Variants in DLGAP4 observed in about 807,000 individuals in gnomAD.
DLGAP4 encodes the protein disks large-associated protein 4.
Under a neutral mutation model 86.9 loss-of-function variants are expected in DLGAP4, and 18 were observed. The observed-to-expected ratio is 0.21, with a 90% CI of 0.14 to 0.31. The LOEUF (loss-of-function observed/expected upper bound fraction) is 0.31, where lower values mean the gene tolerates loss of function less well. DLGAP4 is among the 10% of genes least tolerant of loss of function. The pLI is 1.00. For missense variants in DLGAP4, 1,085 were observed against 1,362.6 expected, an observed-to-expected ratio of 0.80 and a Z score of 3.21; for synonymous variants, 548 against 574.3, an observed-to-expected ratio of 0.95 and a Z score of 0.65.
At chr20:36,428,570 C>T (rs867980152) in intron 2 of DLGAP4, among the ~76,000 whole-genome samples, 20 of 152,210 alleles carry the variant, frequency 1.3e-4, no homozygotes, top group African/African-American at 3.6e-4. Context: ...TCCCATCCTC[C>T]CCACCCTCTG....
intron 7 of DLGAP4, among the ~76,000 whole-genome samples, chr20:36,481,225 G>C (rs1282568702): frequency 6.6e-6 from 1 of 152,144 alleles, no homozygotes; most frequent in Admixed American, 6.5e-5. Context: ...GGCCAGCTCT[G>C]CTTCTTAGAA....
chr20:36,375,846 G>A (rs1397683559), intron 2 of DLGAP4, among the ~76,000 whole-genome samples: 1 of 152,112 alleles, frequency 6.6e-6, no homozygotes, highest in Non-Finnish European at 1.5e-5. Context: ...TGTTGGGCTG[G>A]GGAGTTTGAA....
intron 1 of DLGAP4, among the ~76,000 whole-genome samples, chr20:36,335,113 G>A (rs1362600012): frequency 3.3e-5 from 5 of 152,150 alleles, no homozygotes; most frequent in African/African-American, 9.7e-5. Flanking sequence ...CTTGCCAAGC[G>A]TTCACCCCAC....
chr20:36,385,485 A>C (rs2031563423), intron 2 of DLGAP4, among the ~76,000 whole-genome samples: 1 of 152,192 alleles, frequency 6.6e-6, no homozygotes, highest in Non-Finnish European at 1.5e-5. Context: ...AAGAAGCAAA[A>C]GTGCAAAAGG....
chr20:36,365,344 C>T (rs146761662), intron 1 of DLGAP4, among the ~76,000 whole-genome samples: 289 of 152,374 alleles, frequency 1.9e-3, no homozygotes, highest in Non-Finnish European at 3.1e-3. Context: ...CGGTCTTTCC[C>T]GCCCTGGCAA....
chr20:36,425,388 CA>C (rs1304853885), intron 2 of DLGAP4, among the ~76,000 whole-genome samples: 1 of 152,262 alleles, frequency 6.6e-6, no homozygotes, highest in East Asian at 1.9e-4. Context: ...GATACCAGTT[CA>C]CACCTACTAG....
chr20:36,484,075 A>G (rs1289961949), intron 7 of DLGAP4, among the ~76,000 whole-genome samples: 1 of 152,190 alleles, frequency 6.6e-6, no homozygotes, highest in African/African-American at 2.4e-5. Context: ...CCTGGGCTCA[A>G]ATTCTGGCTT....
At chr20:36,496,480 C>G (rs559562265) in intron 7 of DLGAP4, among the ~76,000 whole-genome samples, 1 of 152,354 alleles carries the variant, frequency 6.6e-6, no homozygotes, top group African/African-American at 2.4e-5. Flanking sequence ...GTGGCATCCC[C>G]TCAAGACTTT....
chr20:36,334,695 G>A (rs1360684993), intron 1 of DLGAP4, among the ~76,000 whole-genome samples: 1 of 152,174 alleles, frequency 6.6e-6, no homozygotes, highest in Non-Finnish European at 1.5e-5. Flanking sequence ...GGCAAGGAAG[G>A]CAGTCTGGCT....
intron 7 of DLGAP4, among the ~76,000 whole-genome samples, chr20:36,452,517 CTT>C (rs35771997): frequency 2.7e-4 from 35 of 131,982 alleles, no homozygotes; most frequent in Admixed American, 3.1e-4. Context: ...TCTTGTAAAT[CTT>C]TTTTTTTTTT....
intron 10 of DLGAP4, among the ~76,000 whole-genome samples, chr20:36,517,502 G>A (rs1373398254): frequency 2.0e-5 from 3 of 151,578 alleles, no homozygotes; most frequent in Non-Finnish European, 4.4e-5. Context: ...CCTGACCTCA[G>A]GTGATCCGCC....
intron 2 of DLGAP4, among the ~76,000 whole-genome samples, chr20:36,381,057 C>T (rs80049182): frequency 1.3e-5 from 2 of 152,178 alleles, no homozygotes; most frequent in East Asian, 3.8e-4. Context: ...CTTAAAGTAC[C>T]CACCTCACAG....
chr20:36,449,755 C>G (rs1484970391), intron 7 of DLGAP4, among the ~76,000 whole-genome samples: 1 of 152,244 alleles, frequency 6.6e-6, no homozygotes, highest in African/African-American at 2.4e-5. Context: ...CATGAATGGA[C>G]TAAAGATAGG....
At chr20:36,314,912 GTGTGATGCGTATGTGGTGTGTGTGTGC>G (rs2065082048) in intron 1 of DLGAP4, among the ~76,000 whole-genome samples, 1 of 134,314 alleles carries the variant, frequency 7.4e-6, no homozygotes, top group Admixed American at 7.4e-5. Context: ...GTGATGTGTG[GTGTGATGCGTATGTGGTGTGTGTGTGC>G]TGTGTGTGAT....
rs541337546 is a variant in DLGAP4, at chr20:36,367,131, T to A, written c.-217T>A. Reference sequence around the variant, plus strand: ...CCCCCGGGCGGTGGCAGAGCCCCTGTCCCAAGCTGCTTCCTGCCGGCACCT... The same window carrying A: ...CCCCCGGGCGGTGGCAGAGCCCCTGACCCAAGCTGCTTCCTGCCGGCACCT... On this transcript the variant is annotated 5_prime_UTR_variant, in exon 2 of 13. Coordinates refer to ENST00000339266, the MANE Select transcript of DLGAP4 (RefSeq NM_001365621.2). 6.6e-6 allele frequency: 1 copy of A among 152,480 alleles called. No individual in the cohort carries two copies. The highest frequency in any genetic ancestry group is 1.9e-4 in the East Asian group (1 of 5,154). The allele number at this position is 152,480 out of a possible 1,614,324, so 9.4% of individuals were successfully genotyped here. A position where few individuals can be genotyped will look rare whatever the true frequency, so the allele number is the denominator to read the frequency against.
At chr20:36,461,881 G>A in intron 7 of DLGAP4, 2 of 984,606 alleles carry the variant, frequency 2.0e-6, no homozygotes, top group South Asian at 9.4e-5. Flanking sequence ...CTCCTCCGCA[G>A]CCCCTCCCTC....
chr20:36,527,299 A>ACC lies in DLGAP4; in HGVS notation c.*268_*269insCC. 3.1e-6 allele frequency: 1 copy of ACC among 322,180 alleles called. No homozygotes were observed. The highest frequency in any genetic ancestry group is 4.6e-5 in the Admixed American group (1 of 21,934). The allele number at this position is 322,180 out of a possible 1,614,324, so 20.0% of individuals were successfully genotyped here. A position where few individuals can be genotyped will look rare whatever the true frequency, so the allele number is the denominator to read the frequency against. On this transcript the variant is annotated 3_prime_UTR_variant, in exon 13 of 13. Coordinates refer to ENST00000339266, the MANE Select transcript of DLGAP4 (RefSeq NM_001365621.2). ...TTCCTCTTGCTGGCCGTGGTGGACT[A>ACC]GATAGATGGACGTCGGCAACTCCCG...
intron 1 of DLGAP4, among the ~76,000 whole-genome samples, chr20:36,332,327 T>C (rs1262634822): frequency 6.6e-6 from 1 of 152,168 alleles, no homozygotes; most frequent in Non-Finnish European, 1.5e-5. Flanking sequence ...CCTCTCCTTT[T>C]GACACCTGCA....
chr20:36,318,106 T>TCACACACA (rs1156543199), intron 1 of DLGAP4, among the ~76,000 whole-genome samples: 277 of 139,216 alleles, frequency 2.0e-3, no homozygotes, highest in African/African-American at 6.3e-3. Context: ...ATGTGTCCTC[T>TCACACACA]CACACACACA....
Sources: gnomAD v4.1 joint callset for allele counts (sites outside exome capture counted in the v4.1 genomes callset) on GRCh38, gnomAD v4.1.1 for gene constraint, MANE v1.5 for transcripts, NCBI Gene and HGNC (gene_info 2026-07-23, HGNC 2026-07-21) for gene names.